Variants in ADAMTSL1 observed in about 807,000 individuals in gnomAD.
The protein encoded by ADAMTSL1 is ADAMTS like 1.
In ADAMTSL1, 126 loss-of-function variants were observed where a neutral mutation model predicts 201.8. That is an observed-to-expected ratio of 0.62 (90% CI 0.54 to 0.72). The LOEUF is 0.72. ADAMTSL1 is among the 30% of genes least tolerant of loss of function. The pLI is 0.00. For missense variants in ADAMTSL1, 2,679 were observed against 2,277.8 expected, an observed-to-expected ratio of 1.18 and a Z score of -3.59; for synonymous variants, 1,121 against 903.4, an observed-to-expected ratio of 1.24 and a Z score of -4.32.
intron 2 of ADAMTSL1, among the ~76,000 whole-genome samples, chr9:18,427,623 C>G (rs942845228): frequency 2.6e-5 from 4 of 152,208 alleles, no homozygotes; most frequent in Admixed American, 2.0e-4. Context: ...ACTGGCTTTG[C>G]CCACATTTTT....
At chr9:18,622,201 G>C (rs200661501) in intron 4 of ADAMTSL1, 42 bp from the exon 5 acceptor site, 2 of 1,601,930 alleles carry the variant, frequency 1.2e-6, no homozygotes, top group Non-Finnish European at 1.7e-6. Context: ...TTTTGCCATC[G>C]GTAGGTGCTT....
chr9:18,532,616 C>T lies in ADAMTSL1; in HGVS notation c.192-631C>T, dbSNP rs946051761. Among the ~76,000 whole-genome samples, 5 of 151,612 alleles carry T rather than the reference C, an allele frequency of 3.3e-5. No individual in the cohort carries two copies. The East Asian group carries it at 5.8e-4, about 18-fold the overall frequency. ...GAAACAAAAACAGGCTACAAAATTGCGTAAGTGATGTGATTTTTTTTATTT... is the reference window on the plus strand; with the variant it reads ...GAAACAAAAACAGGCTACAAAATTGTGTAAGTGATGTGATTTTTTTTATTT... On this transcript the variant is annotated intron_variant, in intron 2 of 28. Coordinates refer to ENST00000380548, the MANE Select transcript of ADAMTSL1 (RefSeq NM_001040272.6).
intron 20 of ADAMTSL1, among the ~76,000 whole-genome samples, chr9:18,799,245 A>T (rs1200638367): frequency 6.6e-6 from 1 of 152,314 alleles, no homozygotes; most frequent in East Asian, 1.9e-4. Flanking sequence ...CATACCTAAC[A>T]CTTTGAAGTA....
At chr9:18,828,701 G>A (rs12378644) in intron 22 of ADAMTSL1, among the ~76,000 whole-genome samples, 57,288 of 90,194 alleles carry the variant, frequency 0.64, 18,903 homozygotes, top group Non-Finnish European at 0.72. Flanking sequence ...TATAAAATGT[G>A]TGTGTGTGTA....
Position 18,906,009 on chromosome 9 carries a change from C to T in ADAMTSL1, c.4961+118C>T, listed in dbSNP as rs1588362302. On this transcript the variant is annotated intron_variant, in intron 27 of 28. Transcript: ENST00000380548. ...CCACAGTCCCAAGCCCTGCCTGGGA[C>T]TCCATCTCCATTCACCGCAAGCCAC... is the stretch of plus-strand genomic sequence containing the variant. The T allele has an allele frequency of 2.2e-5, 19 of 883,582 alleles. No individual in the cohort carries two copies. In the East Asian group the frequency reaches 4.0e-4, roughly 19 times the overall value. The allele number at this position is 883,582 out of a possible 1,614,324, so 54.7% of individuals were successfully genotyped here. A position where few individuals can be genotyped will look rare whatever the true frequency, so the allele number is the denominator to read the frequency against.
chr9:18,514,742 A>G (rs180672807), intron 2 of ADAMTSL1, among the ~76,000 whole-genome samples: 9 of 152,302 alleles, frequency 5.9e-5, no homozygotes, highest in Admixed American at 5.2e-4. Flanking sequence ...GCAAATAGAG[A>G]TAATTTAACT....
At chr9:18,696,489 A>G (rs1831557743) in intron 13 of ADAMTSL1, among the ~76,000 whole-genome samples, 1 of 152,238 alleles carries the variant, frequency 6.6e-6, no homozygotes, top group Admixed American at 6.5e-5. Context: ...ACAGTAGGAG[A>G]CAATTAAAAG....
intron 2 of ADAMTSL1, among the ~76,000 whole-genome samples, chr9:18,212,415 T>C (rs1324663722): frequency 6.6e-6 from 1 of 152,234 alleles, no homozygotes; most frequent in Non-Finnish European, 1.5e-5. Flanking sequence ...AGCAAATGTA[T>C]TTATGACTAG....
chr9:18,470,483 C>G (rs1821163167), upstream of ADAMTSL1, among the ~76,000 whole-genome samples: 1 of 152,178 alleles, frequency 6.6e-6, no homozygotes, highest in Non-Finnish European at 1.5e-5. Context: ...GAAAACAAGG[C>G]TCAGATGCTG....
At chr9:18,733,616 C>T (rs886580862) in intron 15 of ADAMTSL1, among the ~76,000 whole-genome samples, 5 of 145,602 alleles carry the variant, frequency 3.4e-5, no homozygotes, top group East Asian at 2.0e-4. Flanking sequence ...TGTAAATTAC[C>T]GACACCACCA....
intron 17 of ADAMTSL1, among the ~76,000 whole-genome samples, chr9:18,771,508 G>C (rs12349446): frequency 0.15 from 22,187 of 152,048 alleles, 1,778 homozygotes; most frequent in Admixed American, 0.25. Context: ...CTACCACTTC[G>C]AGTTGCCTTC....
At chr9:18,172,754 A>G (rs1365785567) in intron 2 of ADAMTSL1, among the ~76,000 whole-genome samples, 2 of 152,162 alleles carry the variant, frequency 1.3e-5, no homozygotes, top group Non-Finnish European at 1.5e-5. Context: ...TTGCTTATTT[A>G]TACAATAAAC....
intron 2 of ADAMTSL1, among the ~76,000 whole-genome samples, chr9:18,370,378 T>C (rs1358557148): frequency 3.3e-5 from 5 of 151,968 alleles, no homozygotes; most frequent in East Asian, 1.9e-4. Context: ...ATTTGAGTGA[T>C]GGGTTACTAG....
chr9:18,298,397 G>A (rs1176548005), intron 2 of ADAMTSL1, among the ~76,000 whole-genome samples: 3 of 152,146 alleles, frequency 2.0e-5, no homozygotes, highest in African/African-American at 7.2e-5. Flanking sequence ...TATCCAAAAT[G>A]AAAGGAAGGA....
At chr9:18,102,286 T>G (rs1356885227) in intron 1 of ADAMTSL1, among the ~76,000 whole-genome samples, 1 of 152,226 alleles carries the variant, frequency 6.6e-6, no homozygotes, top group Non-Finnish European at 1.5e-5. Flanking sequence ...TTTAGCCATT[T>G]ATTTTATTTA....
chr9:18,256,606 T>C (rs182843606), intron 2 of ADAMTSL1, among the ~76,000 whole-genome samples: 79 of 152,292 alleles, frequency 5.2e-4, no homozygotes, highest in Admixed American at 1.9e-3. Context: ...TAACAGCCCA[T>C]TGGGGAAGAC....
rs560161037 is a variant in ADAMTSL1 at position 18,529,448 on chromosome 9, C to G, written c.192-3799C>G. 3.3e-5 allele frequency among the ~76,000 whole-genome samples: 5 copies of G among 152,268 alleles called. No homozygotes were observed. The East Asian group carries it at 9.7e-4, about 29-fold the overall frequency. On this transcript the variant is annotated intron_variant, in intron 2 of 28. Coordinates refer to ENST00000380548, the MANE Select transcript of ADAMTSL1 (RefSeq NM_001040272.6). ...CTTAGGAGTTAGTCACGCCTAGATT[C>G]CAATCCCTGGTTCACTTTTCTGTGT...
At chr9:18,749,353 T>C (rs548468739) in intron 15 of ADAMTSL1, among the ~76,000 whole-genome samples, 15 of 152,112 alleles carry the variant, frequency 9.9e-5, no homozygotes, top group Non-Finnish European at 2.2e-4. Flanking sequence ...AGTAAGAGAA[T>C]TTTACCCAGT....
chr9:18,307,298 A>C (rs928190760), intron 2 of ADAMTSL1, among the ~76,000 whole-genome samples: 6 of 152,202 alleles, frequency 3.9e-5, no homozygotes, highest in African/African-American at 1.2e-4. Flanking sequence ...TAACAGGCAA[A>C]ATAACCAGCT....
Sources: gnomAD v4.1 joint callset for allele counts (sites outside exome capture counted in the v4.1 genomes callset) on GRCh38, gnomAD v4.1.1 for gene constraint, MANE v1.5 for transcripts, NCBI Gene and HGNC (gene_info 2026-07-23, HGNC 2026-07-21) for gene names.